USH2A: variants seen among roughly 807,000 people sequenced by gnomAD.
USH2A encodes usherin.
A neutral mutation model predicts 538.9 loss-of-function variants in USH2A; 443 were observed. The ratio of observed to expected loss-of-function variants is 0.82; its 90% CI spans 0.76 to 0.89. The LOEUF is 0.89. USH2A is among the 40% of genes least tolerant of loss of function. The pLI is 0.00. For synonymous variants in USH2A, 2,413 were observed against 2,273.5 expected (o/e 1.06, Z -1.75); for missense variants, 6,633 against 6,324.8 (o/e 1.05, Z -1.65).
chr1:215,689,384 T>C (rs747694314), intron 61 of USH2A, among the ~76,000 whole-genome samples: 4 of 152,202 alleles, frequency 2.6e-5, no homozygotes, highest in Non-Finnish European at 5.9e-5. Flanking sequence ...TTTTGAAGTT[T>C]GTATTATGTC....
intron 54 of USH2A, among the ~76,000 whole-genome samples, chr1:215,781,390 T>C (rs1332596785): frequency 6.6e-6 from 1 of 152,218 alleles, no homozygotes; most frequent in African/African-American, 2.4e-5. Flanking sequence ...TTTTAAAAAT[T>C]TGCTTGCAGA....
chr1:215,797,631 C>T (rs1558102752), intron 50 of USH2A, among the ~76,000 whole-genome samples: 1 of 151,932 alleles, frequency 6.6e-6, no homozygotes, highest in African/African-American at 2.4e-5. Flanking sequence ...AACAAAAAGG[C>T]TGTATGATTA....
At chr1:216,395,740 G>A (rs921101290) in intron 3 of USH2A, among the ~76,000 whole-genome samples, 2 of 152,198 alleles carry the variant, frequency 1.3e-5, no homozygotes, top group Non-Finnish European at 2.9e-5. Flanking sequence ...AGTAGGCAGA[G>A]AGGTGGCAGG....
intron 24 of USH2A, among the ~76,000 whole-genome samples, chr1:216,086,236 T>C (rs2032130841): frequency 6.6e-6 from 1 of 152,100 alleles, no homozygotes; most frequent in Admixed American, 6.6e-5. Context: ...GAATTGTCTG[T>C]TTATACGCCT....
At position 215,766,853 on chromosome 1, in the gene USH2A, A is replaced by T. The variant is rs1172005266; in HGVS notation, c.10940-65T>A. On this transcript the variant is annotated intron_variant, in intron 55 of 71. Transcript: ENST00000307340. ...GATTATTTATTATCAATTAAGTACC[A>T]GAAGTAACATGCAGAGTTGTAGATA... is the stretch of plus-strand genomic sequence containing the variant. 50 of 1,419,408 alleles carry T rather than the reference A, an allele frequency of 3.5e-5. No individual in the cohort carries two copies. The East Asian group carries it at 1.1e-3, about 32-fold the overall frequency. 87.9% of individuals were successfully genotyped at this position (1,419,408 alleles called of 1,614,324 possible).
At chr1:216,362,565 A>T (rs2038513029) in intron 4 of USH2A, among the ~76,000 whole-genome samples, 1 of 152,204 alleles carries the variant, frequency 6.6e-6, no homozygotes, top group African/African-American at 2.4e-5. Flanking sequence ...ATGTATTAAA[A>T]TATAAAATGA....
rs541260214 is a variant in USH2A, at chr1:216,396,604, T to C, written c.651+21910A>G. 5.3e-5 allele frequency among the ~76,000 whole-genome samples: 8 copies of C among 152,304 alleles called. No homozygotes were observed. The South Asian group carries it at 1.7e-3, about 32-fold the overall frequency. ...TTATTTTAATCATTACACGAACCAG[T>C]TACATGTGTTACAAATGAATATCAA... On this transcript the variant is annotated intron_variant, in intron 3 of 71. Coordinates refer to ENST00000307340, the MANE Select transcript of USH2A (RefSeq NM_206933.4).
At chr1:216,274,243 A>G (rs989867791) in intron 11 of USH2A, among the ~76,000 whole-genome samples, 5 of 152,098 alleles carry the variant, frequency 3.3e-5, no homozygotes. Context: ...TTCTAAGCTT[A>G]GCCAATATTG....
chr1:216,355,694 C>G (rs983032441), intron 4 of USH2A, among the ~76,000 whole-genome samples: 1 of 151,982 alleles, frequency 6.6e-6, no homozygotes, highest in Non-Finnish European at 1.5e-5. Flanking sequence ...AAGGACAGAT[C>G]TTTAAAAAGA....
intron 38 of USH2A, among the ~76,000 whole-genome samples, chr1:215,915,142 T>C (rs79461631): frequency 1.0e-3 from 153 of 152,218 alleles, no homozygotes; most frequent in African/African-American, 3.2e-3. Context: ...ATAAATGACT[T>C]GCACAAGACC....
At chr1:215,902,037 A>G (rs1665515128) in intron 38 of USH2A, among the ~76,000 whole-genome samples, 2 of 152,172 alleles carry the variant, frequency 1.3e-5, no homozygotes, top group African/African-American at 4.8e-5. Flanking sequence ...TATTATTACT[A>G]TTATTACATT....
intron 61 of USH2A, among the ~76,000 whole-genome samples, chr1:215,699,795 T>C (rs1281879619): frequency 6.6e-6 from 1 of 152,246 alleles, no homozygotes; most frequent in Non-Finnish European, 1.5e-5. Context: ...GAATATGCTT[T>C]ATTTCTTTAT....
chr1:215,936,635 T>G (rs181713626), intron 37 of USH2A, among the ~76,000 whole-genome samples: 148 of 152,198 alleles, frequency 9.7e-4, no homozygotes, highest in African/African-American at 3.5e-3. Flanking sequence ...TTGTAATCCA[T>G]ACAACTGATA....
chr1:215,718,636 A>G (rs1659555586), intron 61 of USH2A, among the ~76,000 whole-genome samples: 1 of 152,202 alleles, frequency 6.6e-6, no homozygotes, highest in Non-Finnish European at 1.5e-5. Flanking sequence ...TTTCACTTTT[A>G]TCGGCTGTGA....
chr1:215,640,217 A>G (rs1490660425), intron 68 of USH2A, among the ~76,000 whole-genome samples: 1 of 152,142 alleles, frequency 6.6e-6, no homozygotes, highest in Non-Finnish European at 1.5e-5. Flanking sequence ...TGAAGTTGCT[A>G]GAAGTGTATT....
At chr1:215,796,365 T>G (rs1275611731) in intron 50 of USH2A, among the ~76,000 whole-genome samples, 1 of 152,092 alleles carries the variant, frequency 6.6e-6, no homozygotes, top group Non-Finnish European at 1.5e-5. Flanking sequence ...CTGTCACATT[T>G]TGATGATTCT....
chr1:215,727,004 A>G (rs985054769), intron 61 of USH2A, among the ~76,000 whole-genome samples: 1 of 152,198 alleles, frequency 6.6e-6, no homozygotes, highest in Non-Finnish European at 1.5e-5. Context: ...CTGTTTCTGT[A>G]TATTCCATAG....
chr1:216,217,988 CA>C (rs1295124658), intron 14 of USH2A, among the ~76,000 whole-genome samples: 1 of 151,982 alleles, frequency 6.6e-6, no homozygotes, highest in Non-Finnish European at 1.5e-5. Context: ...AATAGAAAAT[CA>C]GGGGTAAATC....
At chr1:215,893,881 A>T (rs370705954) in intron 40 of USH2A, among the ~76,000 whole-genome samples, 1 of 152,170 alleles carries the variant, frequency 6.6e-6, no homozygotes, top group African/African-American at 2.4e-5. Flanking sequence ...TTGATCTTAC[A>T]TTATAAAAAT....
Sources: allele counts gnomAD v4.1 joint callset (sites outside exome capture counted in the v4.1 genomes callset), GRCh38; gene constraint gnomAD v4.1.1; transcripts MANE v1.5; gene names NCBI Gene and HGNC (gene_info 2026-07-23, HGNC 2026-07-21).